The following GALNTL6 variants were observed in gnomAD, a reference collection of about 807,000 sequenced individuals.
GALNTL6 encodes polypeptide N-acetylgalactosaminyltransferase like 6, also known as polypeptide N-acetylgalactosaminyltransferase-like 6.
In GALNTL6, 46 loss-of-function variants were observed where a neutral mutation model predicts 73.7. That is an observed-to-expected ratio of 0.62 (90% CI 0.49 to 0.80). The LOEUF (loss-of-function observed/expected upper bound fraction) is 0.80, where lower values mean the gene tolerates loss of function less well. Ranked by LOEUF, GALNTL6 falls within the 30% of genes least tolerant of loss-of-function variation. The pLI is 0.00. For synonymous variants in GALNTL6, 259 were observed against 263.7 expected (o/e 0.98, Z 0.17); for missense variants, 604 against 755.0 (o/e 0.80, Z 2.34).
intron 5 of GALNTL6, among the ~76,000 whole-genome samples, chr4:172,369,020 T>C (rs557249792): frequency 3.9e-5 from 6 of 152,272 alleles, no homozygotes; most frequent in Non-Finnish European, 7.4e-5. Context: ...GCTTCCACAG[T>C]GTGGAAGGGG....
rs557033298 is a variant in GALNTL6 at position 172,896,245 on chromosome 4, T to G, written c.1041+13338T>G. Among the ~76,000 whole-genome samples the G allele has an allele frequency of 2.0e-5, 3 of 152,344 alleles. No individual in the cohort carries two copies. The East Asian group carries it at 5.8e-4, about 29-fold the overall frequency. On this transcript the variant is annotated intron_variant, in intron 8 of 12. Coordinates refer to ENST00000506823, the MANE Select transcript of GALNTL6 (RefSeq NM_001034845.3). ...TTATTTTAGTCTTCTTTGCCCAGTTTTGTTTGTGCCTGTTCATTTTCCAAG... is the reference window on the plus strand; with the variant it reads ...TTATTTTAGTCTTCTTTGCCCAGTTGTGTTTGTGCCTGTTCATTTTCCAAG...
chr4:172,637,037 T>C (rs1739727465), intron 5 of GALNTL6, among the ~76,000 whole-genome samples: 1 of 152,144 alleles, frequency 6.6e-6, no homozygotes, highest in African/African-American at 2.4e-5. Flanking sequence ...CATTAGTTTC[T>C]AACACCAAAA....
chr4:171,823,968 A>T (rs893286476), intron 2 of GALNTL6, among the ~76,000 whole-genome samples: 3 of 150,496 alleles, frequency 2.0e-5, no homozygotes, highest in Non-Finnish European at 4.4e-5. Flanking sequence ...CAATAAAAGT[A>T]AAAATAAAAG....
Position 172,761,691 on chromosome 4 carries a change from C to CTCTT in GALNTL6, c.554-47667_554-47666insTTCT, listed in dbSNP as rs879362482. The stretch of plus-strand genomic sequence containing the variant: ...TCTTTCTCTCTCTCTCTCTCTCTCT[C>CTCTT]TCTCTTTCTCTCTCTCCTGCTCCAC... On this transcript the variant is annotated intron_variant, in intron 5 of 12. Coordinates refer to ENST00000506823, the MANE Select transcript of GALNTL6 (RefSeq NM_001034845.3). 1.8e-3 allele frequency among the ~76,000 whole-genome samples: 267 copies of CTCTT among 151,910 alleles called. 1 individual carries two copies. Among genetic ancestry groups the CTCTT allele is most frequent in the Admixed American group, 0.014 (211 of 15,234 alleles).
chr4:172,163,084 C>G (rs2110797182), intron 2 of GALNTL6, among the ~76,000 whole-genome samples: 1 of 152,126 alleles, frequency 6.6e-6, no homozygotes, highest in East Asian at 1.9e-4. Flanking sequence ...CCACCTTGCC[C>G]TGGTGAACTA....
At chr4:173,002,941 T>C in intron 10 of GALNTL6, among the ~76,000 whole-genome samples, 1 of 152,114 alleles carries the variant, frequency 6.6e-6, no homozygotes, top group East Asian at 1.9e-4. Flanking sequence ...TTATTTATAG[T>C]CAGTAGAATA....
At chr4:172,803,796 A>T (rs987361333) in intron 5 of GALNTL6, among the ~76,000 whole-genome samples, 1 of 152,222 alleles carries the variant, frequency 6.6e-6, no homozygotes, top group Non-Finnish European at 1.5e-5. Flanking sequence ...ATATTCAAGG[A>T]ATACAAATAA....
At chr4:172,220,950 A>G (rs1263776390) in intron 2 of GALNTL6, among the ~76,000 whole-genome samples, 2 of 151,846 alleles carry the variant, frequency 1.3e-5, no homozygotes, top group African/African-American at 4.8e-5. Flanking sequence ...TTATATAGGC[A>G]TATTTTAGGA....
intron 5 of GALNTL6, among the ~76,000 whole-genome samples, chr4:172,369,674 C>T (rs1217618459): frequency 6.6e-6 from 1 of 152,208 alleles, no homozygotes; most frequent in Non-Finnish European, 1.5e-5. Context: ...GCCGGCAGTG[C>T]TGGGTTACCT....
chr4:171,839,802 G>T (rs958493664), intron 2 of GALNTL6, among the ~76,000 whole-genome samples: 1 of 152,018 alleles, frequency 6.6e-6, no homozygotes, highest in African/African-American at 2.4e-5. Flanking sequence ...AATCTTTCTG[G>T]ACCAAATGAA....
At chr4:172,476,596 G>A (rs150001348) in intron 5 of GALNTL6, among the ~76,000 whole-genome samples, 4 of 152,226 alleles carry the variant, frequency 2.6e-5, no homozygotes, top group Admixed American at 6.5e-5. Flanking sequence ...AAGCAACCGC[G>A]TCATCGTATG....
chr4:172,205,439 G>T (rs768551345), intron 2 of GALNTL6, among the ~76,000 whole-genome samples: 14 of 152,146 alleles, frequency 9.2e-5, no homozygotes, highest in Non-Finnish European at 1.9e-4. Context: ...TGACCTTTTA[G>T]TGTCCTGAGC....
chr4:172,638,802 T>C (rs1739820106), intron 5 of GALNTL6, among the ~76,000 whole-genome samples: 1 of 152,168 alleles, frequency 6.6e-6, no homozygotes, highest in Non-Finnish European at 1.5e-5. Context: ...ATCCCATAAT[T>C]AATTTAATTG....
At chr4:172,095,295 G>A (rs181687869) in intron 2 of GALNTL6, among the ~76,000 whole-genome samples, 57 of 152,222 alleles carry the variant, frequency 3.7e-4, no homozygotes, top group African/African-American at 1.1e-3. Flanking sequence ...GGCAGCTCAG[G>A]AACTCTGAGA....
intron 3 of GALNTL6, among the ~76,000 whole-genome samples, chr4:172,272,954 G>A (rs200932733): frequency 1.3e-5 from 2 of 151,944 alleles, no homozygotes; most frequent in Admixed American, 6.6e-5. Context: ...AAATAAGTTG[G>A]AGAAGAAGTA....
intron 5 of GALNTL6, among the ~76,000 whole-genome samples, chr4:172,536,279 G>A (rs1735342551): frequency 6.6e-6 from 1 of 152,134 alleles, no homozygotes; most frequent in Non-Finnish European, 1.5e-5. Context: ...CAGGTAGTGG[G>A]GTGCTGCTGT....
chr4:171,934,738 C>T (rs1307906116), intron 2 of GALNTL6, among the ~76,000 whole-genome samples: 3 of 152,108 alleles, frequency 2.0e-5, no homozygotes, highest in African/African-American at 4.8e-5. Flanking sequence ...TTAGATTTTT[C>T]ACTAACGAAG....
chr4:171,854,360 G>A (rs1735620859), intron 2 of GALNTL6, among the ~76,000 whole-genome samples: 1 of 152,128 alleles, frequency 6.6e-6, no homozygotes, highest in Non-Finnish European at 1.5e-5. Flanking sequence ...TCAAGTGTAG[G>A]TACAAAGTTA....
At chr4:172,561,701 T>A (rs570082063) in intron 5 of GALNTL6, among the ~76,000 whole-genome samples, 1 of 152,256 alleles carries the variant, frequency 6.6e-6, no homozygotes, top group South Asian at 2.1e-4. Flanking sequence ...TTGCTGCATT[T>A]TCAGGTCACC....
Sources: allele counts gnomAD v4.1 joint callset (sites outside exome capture counted in the v4.1 genomes callset), GRCh38; gene constraint gnomAD v4.1.1; transcripts MANE v1.5; gene names NCBI Gene and HGNC (gene_info 2026-07-23, HGNC 2026-07-21).